NEIL3: variants seen among roughly 807,000 people sequenced by gnomAD.
NEIL3 encodes nei like DNA glycosylase 3.
Under a neutral mutation model 57.5 loss-of-function variants are expected in NEIL3, and 48 were observed. The observed-to-expected ratio is 0.83, with a 90% CI of 0.66 to 1.06. The LOEUF is 1.06. NEIL3 is among the 50% of genes least tolerant of loss of function. NEIL3 has a pLI of 0.00. For missense variants in NEIL3, 717 were observed against 739.1 expected (o/e 0.97, Z 0.35); for synonymous variants, 261 against 253.2 (o/e 1.03, Z -0.29).
rs1242525247 is a variant in NEIL3 at position 177,322,362 on chromosome 4, G to A, written c.157-97G>A. 10 of 1,488,116 alleles carry A rather than the reference G, an allele frequency of 6.7e-6. No homozygotes were observed. In the East Asian group the frequency reaches 2.3e-4, roughly 34 times the overall value. The allele number at this position is 1,488,116 out of a possible 1,614,324, so 92.2% of individuals were successfully genotyped here. On this transcript the variant is annotated intron_variant, in intron 1 of 9. Coordinates refer to ENST00000264596, the MANE Select transcript of NEIL3 (RefSeq NM_018248.3). Reference sequence around the variant, plus strand: ...ATTCTTCTCATTGGAATGCACCTGGGCGTGAAGTAATATAAACACATTTAA... The same window carrying A: ...ATTCTTCTCATTGGAATGCACCTGGACGTGAAGTAATATAAACACATTTAA...
At chr4:177,334,575 C>T (rs1734940432) in intron 2 of NEIL3, among the ~76,000 whole-genome samples, 1 of 152,160 alleles carries the variant, frequency 6.6e-6, no homozygotes, top group South Asian at 2.1e-4. Flanking sequence ...GTACACCTTT[C>T]ACTGGGGTTG....
At chr4:177,319,616 C>T (rs1185146094) in intron 1 of NEIL3, among the ~76,000 whole-genome samples, 3 of 152,040 alleles carry the variant, frequency 2.0e-5, no homozygotes. Context: ...CTCTGTCCCT[C>T]CCCGCAAGTC....
chr4:177,361,500 G>C (rs1337023691), intron 9 of NEIL3, among the ~76,000 whole-genome samples: 1 of 152,158 alleles, frequency 6.6e-6, no homozygotes, highest in African/African-American at 2.4e-5. Context: ...AAACTGGATA[G>C]TGATTTTAGA....
Position 177,314,825 on chromosome 4 carries a change from T to C in NEIL3, c.156+4716T>C, listed in dbSNP as rs964887789. On this transcript the variant is annotated intron_variant, in intron 1 of 9. Transcript: ENST00000264596. ...GGGCGCGGTGGCTCACACCTGTAAT[T>C]CCAGCACTTTGGGAGGCTGAGGCGG... Among the ~76,000 whole-genome samples the C allele has an allele frequency of 4.3e-4, 65 of 152,124 alleles. 1 individual carries two copies. The highest frequency in any genetic ancestry group is 3.5e-3 in the Admixed American group (54 of 15,288).
rs1734640310 is a variant in NEIL3, at chr4:177,319,717, CAGT to C, written c.157-2736_157-2734del. Among the ~76,000 whole-genome samples, 3 of 152,056 alleles carry C rather than the reference CAGT, an allele frequency of 2.0e-5. No individual in the cohort carries two copies. The South Asian group carries it at 6.2e-4, about 32-fold the overall frequency. Reference sequence around the variant, plus strand: ...AAAGGAGATTAAAGCACAGGAGTGGCAGTAGTAGCAAATTCTTTCCTACCGAAG... The same window carrying C: ...AAAGGAGATTAAAGCACAGGAGTGGCAGTAGCAAATTCTTTCCTACCGAAG... On this transcript the variant is annotated intron_variant, in intron 1 of 9. Transcript: ENST00000264596.
At chr4:177,310,636 G>A (rs1734459206) in intron 1 of NEIL3, among the ~76,000 whole-genome samples, 1 of 152,084 alleles carries the variant, frequency 6.6e-6, no homozygotes. Context: ...CTAATTAAGG[G>A]GCAATGAAAC....
At chr4:177,313,767 AT>A (rs1343817994) in intron 1 of NEIL3, among the ~76,000 whole-genome samples, 1 of 152,192 alleles carries the variant, frequency 6.6e-6, no homozygotes, top group Non-Finnish European at 1.5e-5. Context: ...TATGCCAGCT[AT>A]TTATCGTTAT....
chr4:177,313,208 C>T (rs1299690024), intron 1 of NEIL3, among the ~76,000 whole-genome samples: 1 of 152,058 alleles, frequency 6.6e-6, no homozygotes, highest in Admixed American at 6.5e-5. Context: ...ATATTTAAAC[C>T]TCAGATAATC....
intron 4 of NEIL3, among the ~76,000 whole-genome samples, chr4:177,336,601 C>T (rs1436453700): frequency 6.6e-6 from 1 of 152,126 alleles, no homozygotes; most frequent in Non-Finnish European, 1.5e-5. Context: ...GTATCCCTTT[C>T]AAACATAACA....
chr4:177,343,589 G>A (rs1028238625), intron 6 of NEIL3: 2 of 152,236 alleles, frequency 1.3e-5, no homozygotes, highest in African/African-American at 4.8e-5. Context: ...GTCCAGAACT[G>A]CGTGCTTTTT....
At chr4:177,365,099 T>C (rs140916213), downstream of NEIL3, among the ~76,000 whole-genome samples, 327 of 152,244 alleles carry the variant, frequency 2.1e-3, 2 homozygotes, top group African/African-American at 7.6e-3. Context: ...GTTATAACTA[T>C]GAGAAAAAAA....
chr4:177,341,853 G>A (rs1735100434), intron 6 of NEIL3, among the ~76,000 whole-genome samples: 1 of 152,158 alleles, frequency 6.6e-6, no homozygotes, highest in African/African-American at 2.4e-5. Flanking sequence ...AATTTAGGTG[G>A]AAAATCTCTG....
chr4:177,341,558 CTG>C lies in NEIL3; in HGVS notation c.790_791del (p.Cys264ProfsTer6). On this transcript the variant is annotated frameshift_variant, in exon 6 of 10. Transcript: ENST00000264596. LOFTEE classifies it high-confidence loss of function. ...TGTGGTCAGTGCCACTGCAGAATAA[CTG>C]TGTGCCGCTTTGGGGACAATAACAG... The C allele has an allele frequency of 6.2e-7, 1 of 1,613,472 alleles. No homozygotes were observed. Among genetic ancestry groups the C allele is most frequent in the South Asian group, 1.1e-5 (1 of 91,054 alleles).
At chr4:177,322,648 T>A in intron 2 of NEIL3, 68 bp downstream of exon 2, 1 of 1,591,422 alleles carries the variant, frequency 6.3e-7, no homozygotes, top group Non-Finnish European at 8.6e-7. Flanking sequence ...CTAGATGGAG[T>A]TTGCCGGGTG....
intron 5 of NEIL3, 38 bp downstream of exon 5, chr4:177,339,895 T>A: frequency 5.0e-6 from 7 of 1,392,550 alleles, no homozygotes; most frequent in Non-Finnish European, 7.1e-6. Flanking sequence ...AAATGTAAAA[T>A]GTCAGTGGTT....
Position 177,341,521 on chromosome 4 carries a change from A to C in NEIL3, c.748A>C (p.Lys250Gln). ...TCTCTCTAAACACTATAAGGTTTAC[A>C]AGCGTCCTAATTGTGGTCAGTGCCA... ...LALSKHYKVY[K>Q]RPNCGQCHCR... The change falls in exon 6 of 10, where the codon AAG becomes CAG. Residue 250 changes from lysine to glutamine, a missense_variant. Physicochemically the swap from Lys to Gln is moderately conservative, Grantham distance 53. Coordinates refer to ENST00000264596, the MANE Select transcript of NEIL3 (RefSeq NM_018248.3). 6.2e-7 allele frequency: 1 copy of C among 1,613,464 alleles called. No individual in the cohort carries two copies. Among genetic ancestry groups the C allele is most frequent in the South Asian group, 1.1e-5 (1 of 91,024 alleles).
downstream of NEIL3, among the ~76,000 whole-genome samples, chr4:177,363,504 G>A (rs189797929): frequency 2.0e-5 from 3 of 152,322 alleles, no homozygotes; most frequent in African/African-American, 7.2e-5. Context: ...AACAGACCAG[G>A]AACTGGACTG....
In NEIL3 at chr4:177,362,318, C is replaced by A; in HGVS notation, c.1665C>A (p.Asn555Lys). 1 of 1,606,456 alleles carries A rather than the reference C, an allele frequency of 6.2e-7. No homozygotes were observed. Residue 555 changes from asparagine to lysine, a missense_variant, in exon 10 of 10, where the codon AAC (asparagine) becomes AAA (lysine). Coordinates refer to ENST00000264596, the MANE Select transcript of NEIL3 (RefSeq NM_018248.3). ...CAGATTTGTCCTTCCCATTCTGCAA[C>A]CATGGCAAGCGTTCCACCATGAAAA... ...EWADLSFPFCNHGKRSTMKTV... is the reference protein window; with the variant it reads ...EWADLSFPFCKHGKRSTMKTV...
intron 9 of NEIL3, 96 bp downstream of exon 9, chr4:177,360,773 AC>A (rs1560923882): frequency 4.1e-6 from 4 of 977,956 alleles, no homozygotes; most frequent in African/African-American, 1.6e-5. Context: ...TTTACCTTTT[AC>A]CTTTAAATTT....
Sources: allele counts gnomAD v4.1 joint callset (sites outside exome capture counted in the v4.1 genomes callset), GRCh38; gene constraint gnomAD v4.1.1; transcripts MANE v1.5; gene names NCBI Gene and HGNC (gene_info 2026-07-23, HGNC 2026-07-21).